The following DIAPH3 variants were observed in gnomAD, a reference collection of about 807,000 sequenced individuals.
DIAPH3 encodes diaphanous related formin 3.
DIAPH3 carries 117 observed loss-of-function variants against 144.3 expected under a neutral mutation model. That is an observed-to-expected ratio of 0.81 (90% CI 0.70 to 0.95). DIAPH3 has a LOEUF of 0.95. Ranked by LOEUF, DIAPH3 falls within the 40% of genes least tolerant of loss-of-function variation. The pLI, the probability that DIAPH3 is intolerant of heterozygous loss-of-function variation, is 0.00. For missense variants in DIAPH3, 1,421 were observed against 1,412.7 expected (o/e 1.01, Z -0.09); for synonymous variants, 519 against 488.9 (o/e 1.06, Z -0.81).
intron 18 of DIAPH3, among the ~76,000 whole-genome samples, chr13:59,919,476 G>C (rs1430321368): frequency 6.6e-6 from 1 of 152,074 alleles, no homozygotes; most frequent in Non-Finnish European, 1.5e-5. Context: ...CTTCTCAACA[G>C]AAACCTTACA....
chr13:59,999,188 G>A (rs1298549016), intron 9 of DIAPH3, among the ~76,000 whole-genome samples: 1 of 151,924 alleles, frequency 6.6e-6, no homozygotes, highest in Non-Finnish European at 1.5e-5. Flanking sequence ...GTATTCAATG[G>A]CATATTTGTC....
At chr13:59,764,045 T>C (rs1390701411) in intron 27 of DIAPH3, among the ~76,000 whole-genome samples, 2 of 151,902 alleles carry the variant, frequency 1.3e-5, no homozygotes, top group Non-Finnish European at 2.9e-5. Context: ...ACTTTGCTTC[T>C]GTATGCTAAG....
chr13:59,855,631 T>C (rs938931218), intron 22 of DIAPH3, among the ~76,000 whole-genome samples: 2 of 151,746 alleles, frequency 1.3e-5, no homozygotes, highest in African/African-American at 2.4e-5. Flanking sequence ...TTAGGAGTCA[T>C]AAGCTGGCTT....
chr13:60,043,962 T>C (rs909480784), intron 4 of DIAPH3, among the ~76,000 whole-genome samples: 2 of 151,728 alleles, frequency 1.3e-5, no homozygotes, highest in Non-Finnish European at 2.9e-5. Flanking sequence ...CAAACTTGAG[T>C]GTTTAAATAA....
At chr13:59,692,656 T>C (rs1179101884) in intron 27 of DIAPH3, among the ~76,000 whole-genome samples, 1 of 152,008 alleles carries the variant, frequency 6.6e-6, no homozygotes. Context: ...ATAGTCAGGG[T>C]ACACTCTTTT....
At chr13:60,121,531 A>T (rs2138147181) in intron 2 of DIAPH3, among the ~76,000 whole-genome samples, 1 of 152,330 alleles carries the variant, frequency 6.6e-6, no homozygotes, top group East Asian at 1.9e-4. Context: ...GTATACTCTG[A>T]TGGTTTATGC....
intron 4 of DIAPH3, among the ~76,000 whole-genome samples, chr13:60,069,745 C>T (rs4886203): frequency 0.65 from 99,493 of 151,936 alleles, 33,251 homozygotes; most frequent in African/African-American, 0.74. Context: ...CCTTTCCCTA[C>T]GGCTCGTTAT....
chr13:59,690,462 T>C (rs2033450889), intron 27 of DIAPH3, among the ~76,000 whole-genome samples: 1 of 152,204 alleles, frequency 6.6e-6, no homozygotes, highest in Non-Finnish European at 1.5e-5. Context: ...AGACTGCATT[T>C]TCTATACAGA....
At chr13:59,790,548 C>A (rs1050363733) in intron 25 of DIAPH3, among the ~76,000 whole-genome samples, 1 of 152,082 alleles carries the variant, frequency 6.6e-6, no homozygotes, top group African/African-American at 2.4e-5. Context: ...TTATTCTGCC[C>A]AAATATAATG....
rs140453716 is a variant in DIAPH3, at chr13:59,878,812, C to T, written c.2607+417G>A. On this transcript the variant is annotated intron_variant, in intron 21 of 27. Coordinates refer to ENST00000400324, the MANE Select transcript of DIAPH3 (RefSeq NM_001042517.2). ...GGTCCCATTTTTCTCTCCTTTCAGTCTGCTTATGAAAGCAATGCAGAGAAA... is the reference window on the plus strand; with the variant it reads ...GGTCCCATTTTTCTCTCCTTTCAGTTTGCTTATGAAAGCAATGCAGAGAAA... Among the ~76,000 whole-genome samples the T allele has an allele frequency of 2.6e-5, 4 of 152,076 alleles. No homozygotes were observed. The East Asian group carries it at 7.7e-4, about 29-fold the overall frequency.
At chr13:59,824,684 T>A (rs999139558) in intron 24 of DIAPH3, among the ~76,000 whole-genome samples, 2 of 152,100 alleles carry the variant, frequency 1.3e-5, no homozygotes, top group Admixed American at 1.3e-4. Flanking sequence ...AACTACAAAG[T>A]TTGGCACATA....
At chr13:59,901,722 A>T (rs186552993) in intron 20 of DIAPH3, among the ~76,000 whole-genome samples, 411 of 152,344 alleles carry the variant, frequency 2.7e-3, no homozygotes, top group Non-Finnish European at 4.5e-3. Context: ...AATCAAGGAG[A>T]CAAAGTATTT....
At chr13:59,723,865 G>A (rs985487223) in intron 27 of DIAPH3, among the ~76,000 whole-genome samples, 23 of 149,818 alleles carry the variant, frequency 1.5e-4, no homozygotes, top group Non-Finnish European at 3.0e-4. Context: ...CGCCCGCCTC[G>A]GCCTCCCAAA....
intron 27 of DIAPH3, among the ~76,000 whole-genome samples, chr13:59,751,654 A>G (rs2037012747): frequency 6.6e-6 from 1 of 152,228 alleles, no homozygotes; most frequent in African/African-American, 2.4e-5. Context: ...AGGTGTAACC[A>G]TATCTAAGCA....
At chr13:59,888,402 T>C (rs573055936) in intron 20 of DIAPH3, among the ~76,000 whole-genome samples, 1 of 152,228 alleles carries the variant, frequency 6.6e-6, no homozygotes, top group South Asian at 2.1e-4. Flanking sequence ...TTATAATCCA[T>C]TCAGTTTACA....
intron 1 of DIAPH3, among the ~76,000 whole-genome samples, chr13:60,160,215 C>T (rs1259052284): frequency 6.6e-6 from 1 of 152,068 alleles, no homozygotes; most frequent in Non-Finnish European, 1.5e-5. Flanking sequence ...CAGAGCAAGA[C>T]TCCGTCTCAA....
intron 1 of DIAPH3, among the ~76,000 whole-genome samples, chr13:60,148,656 A>G (rs1347540312): frequency 6.6e-6 from 1 of 152,216 alleles, no homozygotes; most frequent in African/African-American, 2.4e-5. Flanking sequence ...AGAGAAGAAC[A>G]TGTTAGACCA....
At chr13:60,061,154 G>T (rs1249712905) in intron 4 of DIAPH3, among the ~76,000 whole-genome samples, 1 of 152,100 alleles carries the variant, frequency 6.6e-6, no homozygotes, top group Non-Finnish European at 1.5e-5. Context: ...TAAAAGACCA[G>T]GATTGGAAAG....
chr13:59,845,189 G>C (rs2042565423), intron 22 of DIAPH3, among the ~76,000 whole-genome samples: 1 of 151,764 alleles, frequency 6.6e-6, no homozygotes, highest in Non-Finnish European at 1.5e-5. Context: ...AGGATTATAG[G>C]CATAAACCAC....
Sources: gnomAD v4.1 joint callset for allele counts (sites outside exome capture counted in the v4.1 genomes callset) on GRCh38, gnomAD v4.1.1 for gene constraint, MANE v1.5 for transcripts, NCBI Gene and HGNC (gene_info 2026-07-23, HGNC 2026-07-21) for gene names.